Variants in UBAC1 observed in about 807,000 individuals in gnomAD.
UBAC1 encodes the protein UBA domain containing 1.
In UBAC1, 27 loss-of-function variants were observed where a neutral mutation model predicts 45.9. That is an observed-to-expected ratio of 0.59 (90% CI 0.43 to 0.81). The LOEUF (loss-of-function observed/expected upper bound fraction) is 0.81, where lower values mean the gene tolerates loss of function less well. UBAC1 is among the 30% of genes least tolerant of loss of function. UBAC1 has a pLI of 0.00. For synonymous variants in UBAC1, 227 were observed against 215.5 expected (o/e 1.05, Z -0.47); for missense variants, 529 against 539.2 (o/e 0.98, Z 0.19).
In UBAC1 at chr9:135,946,274, G is replaced by C. The variant is rs769070055; in HGVS notation, c.539C>G (p.Ala180Gly). Residue 180 changes from alanine to glycine, a missense_variant, in exon 5 of 10, where the codon GCG (alanine) becomes GGG (glycine). Ala to Gly is a moderately conservative substitution (Grantham distance 60). Coordinates refer to ENST00000371756, the MANE Select transcript of UBAC1 (RefSeq NM_016172.3). ...NPDAVELFKK[A>G]NAMLDEDEDE... is the part of the protein sequence containing the mutation. ...GCATCGGGGTTGACTCATACCATTC[G>C]CCTTCTTAAACAATTCCACTGCATC... is the stretch of plus-strand genomic sequence containing the variant. 1 of 1,609,660 alleles carries C rather than the reference G, an allele frequency of 6.2e-7. No individual in the cohort carries two copies. The highest frequency in any genetic ancestry group is 8.5e-7 in the Non-Finnish European group (1 of 1,176,102).
At chr9:135,941,491 TGAACTCTGGAA>T in intron 7 of UBAC1, among the ~76,000 whole-genome samples, 1 of 152,284 alleles carries the variant, frequency 6.6e-6, no homozygotes, top group South Asian at 2.1e-4. Context: ...GCTCCAACAA[TGAACTCTGGAA>T]GAACCCACCG....
chr9:135,940,239 T>C (rs1278426015), intron 7 of UBAC1, among the ~76,000 whole-genome samples: 2 of 151,726 alleles, frequency 1.3e-5, no homozygotes, highest in African/African-American at 4.8e-5. Context: ...AAAAATGCCA[T>C]TGTAACCTGT....
intron 3 of UBAC1, among the ~76,000 whole-genome samples, chr9:135,949,585 C>G (rs1394301517): frequency 6.6e-6 from 1 of 152,224 alleles, no homozygotes; most frequent in Non-Finnish European, 1.5e-5. Context: ...ACGGCTGGCA[C>G]CCCCTCCACA....
At position 135,933,744 on chromosome 9, in the gene UBAC1, G is replaced by C. The variant is rs140205081; in HGVS notation, c.1103-229C>G. ...ACAGAGAGTCATGCACTCAATTCTG[G>C]CAGGTGGGCAGTGTGCCTGTGCGTG... On this transcript the variant is annotated intron_variant, in intron 9 of 9. Transcript: ENST00000371756. Among the ~76,000 whole-genome samples, 1,000 of 152,170 alleles carry C rather than the reference G, an allele frequency of 6.6e-3. 38 individuals carry two copies. Among genetic ancestry groups the C allele is most frequent in the Admixed American group, 0.059 (897 of 15,300 alleles).
At chr9:135,960,433 C>T (rs916630468) in intron 1 of UBAC1, among the ~76,000 whole-genome samples, 2 of 152,182 alleles carry the variant, frequency 1.3e-5, no homozygotes, top group Non-Finnish European at 2.9e-5. Flanking sequence ...CCCGCAGCGG[C>T]ACTATTTCAG....
intron 7 of UBAC1, 53 bp from the exon 8 acceptor site, chr9:135,939,812 C>A: frequency 6.5e-7 from 1 of 1,540,886 alleles, no homozygotes; most frequent in South Asian, 1.2e-5. Flanking sequence ...GGCCGAGGAA[C>A]CAGTGACCTG....
At chr9:135,944,225 C>T (rs1839299596) in intron 7 of UBAC1, among the ~76,000 whole-genome samples, 1 of 152,214 alleles carries the variant, frequency 6.6e-6, no homozygotes, top group African/African-American at 2.4e-5. Flanking sequence ...CACTGCGGGA[C>T]ATGGTGGGGC....
chr9:135,946,210 A>C, intron 5 of UBAC1, 59 bp downstream of exon 5: 5 of 1,257,584 alleles, frequency 4.0e-6, no homozygotes, highest in Non-Finnish European at 5.8e-6. Flanking sequence ...GGAGCTGCAG[A>C]CGCTCCCCAA....
At chr9:135,934,813 A>C (rs563608181) in intron 9 of UBAC1, among the ~76,000 whole-genome samples, 1 of 152,358 alleles carries the variant, frequency 6.6e-6, no homozygotes, top group South Asian at 2.1e-4. Flanking sequence ...GAGTTGAACA[A>C]AAAGATAAAG....
chr9:135,945,809 G>A, intron 6 of UBAC1, 80 bp downstream of exon 6: 1 of 1,111,630 alleles, frequency 9.0e-7, no homozygotes, highest in Non-Finnish European at 1.3e-6. Flanking sequence ...TAGGGTAGGA[G>A]GACGTCACCC....
chr9:135,956,802 C>G lies in UBAC1; in HGVS notation c.139-1387G>C, dbSNP rs112483965. Among the ~76,000 whole-genome samples, 1,459 of 152,364 alleles carry G rather than the reference C, an allele frequency of 9.6e-3. 11 individuals are homozygous for G. Among genetic ancestry groups the G allele is most frequent in the Non-Finnish European group, 0.016 (1,085 of 68,030 alleles). On this transcript the variant is annotated intron_variant, in intron 1 of 9. Transcript: ENST00000371756. Reference sequence around the variant, plus strand: ...GGAGAGAAGGCTGACTATTTTCTTGCTCTTACAGATCCCCTGAGGTTTGAT... The same window carrying G: ...GGAGAGAAGGCTGACTATTTTCTTGGTCTTACAGATCCCCTGAGGTTTGAT...
intron 3 of UBAC1, among the ~76,000 whole-genome samples, chr9:135,948,512 C>G (rs1839366478): frequency 6.6e-6 from 1 of 152,254 alleles, no homozygotes; most frequent in Admixed American, 6.5e-5. Context: ...GCCTCAGGAG[C>G]TAGCGCTCCA....
chr9:135,950,414 G>A (rs903119306), intron 3 of UBAC1, among the ~76,000 whole-genome samples: 6 of 152,222 alleles, frequency 3.9e-5, no homozygotes, highest in Non-Finnish European at 8.8e-5. Flanking sequence ...GAACACCCCA[G>A]TGACCTAACA....
At chr9:135,938,101 C>T (rs1839220627) in intron 9 of UBAC1, 121 bp downstream of exon 9, 2 of 1,443,350 alleles carry the variant, frequency 1.4e-6, no homozygotes, top group African/African-American at 2.8e-5. Flanking sequence ...GGACGTGCTG[C>T]CAGCGCACGG....
At chr9:135,956,681 G>C (rs547752754) in intron 1 of UBAC1, among the ~76,000 whole-genome samples, 2 of 152,298 alleles carry the variant, frequency 1.3e-5, no homozygotes, top group East Asian at 3.9e-4. Flanking sequence ...CCGGAATCGT[G>C]GGGTGAGAGG....
intron 7 of UBAC1, among the ~76,000 whole-genome samples, chr9:135,941,019 A>T (rs1031653588): frequency 6.6e-6 from 1 of 152,226 alleles, no homozygotes; most frequent in African/African-American, 2.4e-5. Context: ...CTGCACCATC[A>T]GATGCTTCCA....
chr9:135,946,220 A>T, intron 5 of UBAC1, 49 bp downstream of exon 5: 1 of 1,364,140 alleles, frequency 7.3e-7, no homozygotes, highest in Non-Finnish European at 1.0e-6. Flanking sequence ...ACGCTCCCCA[A>T]GGCCGGCAGT....
intron 1 of UBAC1, among the ~76,000 whole-genome samples, chr9:135,960,674 G>A (rs1417306666): frequency 6.6e-6 from 1 of 151,190 alleles, no homozygotes; most frequent in South Asian, 2.1e-4. Context: ...TCACTCTCCA[G>A]GCCTCAGTTT....
At position 135,955,402 on chromosome 9, in the gene UBAC1, C is replaced by T. The variant is rs576302856; in HGVS notation, c.152G>A (p.Ser51Asn). The change falls in exon 2 of 10, where the codon AGC becomes AAC. Residue 51 changes from serine to asparagine, a missense_variant. Coordinates refer to ENST00000371756, the MANE Select transcript of UBAC1 (RefSeq NM_016172.3). ...ERCLKHCAHG[S>N]LEDPKSITHH... The stretch of plus-strand genomic sequence containing the variant: ...GGTTATACTTTTGGGATCTTCTAAG[C>T]TCCCATGAGCACACTGGGGAAAAAT... 4 of 1,567,876 alleles carry T rather than the reference C, an allele frequency of 2.6e-6. No homozygotes were observed. In the Admixed American group the frequency reaches 8.5e-5, roughly 33 times the overall value.
Sources: allele counts gnomAD v4.1 joint callset (sites outside exome capture counted in the v4.1 genomes callset), GRCh38; gene constraint gnomAD v4.1.1; transcripts MANE v1.5; gene names NCBI Gene and HGNC (gene_info 2026-07-23, HGNC 2026-07-21).